PPP1R9B: variants seen among roughly 807,000 people sequenced by gnomAD.
PPP1R9B encodes the protein protein phosphatase 1 regulatory subunit 9B.
In PPP1R9B, 17 loss-of-function variants were observed where a neutral mutation model predicts 75.8. The observed-to-expected ratio is 0.22, with a 90% CI of 0.15 to 0.34. The LOEUF is 0.34. Among genes scored for constraint, PPP1R9B ranks in the 10% least tolerant of loss-of-function variants. The pLI, the probability that PPP1R9B is intolerant of heterozygous loss-of-function variation, is 1.00. For synonymous variants in PPP1R9B, 509 were observed against 535.4 expected (o/e 0.95, Z 0.68); for missense variants, 875 against 1,196.0 (o/e 0.73, Z 3.96).
rs1358358941 is a variant in PPP1R9B, at chr17:50,133,831, G to A, written c.*1500C>T. The A allele has an allele frequency of 6.6e-6, 1 of 152,434 alleles. No individual in the cohort carries two copies. Among genetic ancestry groups the A allele is most frequent in the Non-Finnish European group, 1.5e-5 (1 of 68,070 alleles). The allele number at this position is 152,434 out of a possible 1,614,324, so 9.4% of individuals were successfully genotyped here. A position where few individuals can be genotyped will look rare whatever the true frequency, so the allele number is the denominator to read the frequency against. On this transcript the variant is annotated 3_prime_UTR_variant, in exon 10 of 10. Transcript: ENST00000612501. ...ACATATATATATTATATACAGAGAT[G>A]CGGCCCTCCCGACGGCTGGGCAGGG...
In PPP1R9B at chr17:50,142,148, T is replaced by G. The variant is rs1276174242; in HGVS notation, c.1626-775A>C. Among the ~76,000 whole-genome samples the G allele has an allele frequency of 2.0e-5, 3 of 152,068 alleles. No individual in the cohort carries two copies. The stretch of plus-strand genomic sequence containing the variant: ...CACCTGCCGACACACTCCAGTTGTG[T>G]CCCCTGAAGCCCGTGTTCTCCATAC... On this transcript the variant is annotated intron_variant, in intron 3 of 9. Transcript: ENST00000612501. The surrounding 1 kb of genome is among the most constrained non-coding windows in gnomAD (Gnocchi z 4.1).
chr17:50,139,492 C>T lies in PPP1R9B; in HGVS notation c.1956G>A (p.Glu652=), dbSNP rs1912314161. The T allele has an allele frequency of 2.5e-6, 4 of 1,602,252 alleles. No individual in the cohort carries two copies. The African/African-American group carries it at 4.0e-5, about 16-fold the overall frequency. The change falls in exon 6 of 10, where the codon GAG becomes GAA. Residue 652 remains glutamate (E), a synonymous_variant. Transcript: ENST00000612501. The surrounding 1 kb of genome is among the most constrained non-coding windows in gnomAD (Gnocchi z 5.0). ...EMAIEVFELA[E]NEDALSPVDM... is the part of the protein sequence containing the mutation. ...CCACAGGGGACAGTGCATCCTCGTT[C>T]TCCGCTAGCTCAAACACCTCGATGG...
At chr17:50,145,084 G>T (rs372833242) in intron 2 of PPP1R9B, 29 bp downstream of exon 2, 2 of 1,611,616 alleles carry the variant, frequency 1.2e-6, no homozygotes, top group Admixed American at 3.3e-5. Context: ...CCAGCTGTGC[G>T]CAAGTGACGT....
At position 50,142,326 on chromosome 17, in the gene PPP1R9B, C is replaced by A. The variant is rs544071957; in HGVS notation, c.1626-953G>T. Among the ~76,000 whole-genome samples, 3 of 152,322 alleles carry A rather than the reference C, an allele frequency of 2.0e-5. No homozygotes were observed. The South Asian group carries it at 6.2e-4, about 32-fold the overall frequency. On this transcript the variant is annotated intron_variant, in intron 3 of 9. Coordinates refer to ENST00000612501, the MANE Select transcript of PPP1R9B (RefSeq NM_032595.5). This position sits in a 1 kb window ranked among gnomAD's most constrained non-coding sequence, Gnocchi z 4.1. ...GAAATGGCCTATTGTCAACAGCTCA[C>A]CCCAACACATGCCACTCCCAGGTGG...
At chr17:50,140,707 C>T (rs1312660365) in intron 4 of PPP1R9B, among the ~76,000 whole-genome samples, 3 of 152,316 alleles carry the variant, frequency 2.0e-5, no homozygotes, top group Middle Eastern at 3.4e-3. Flanking sequence ...CCCCTCCTCC[C>T]GGTGGCCACC....
In PPP1R9B at chr17:50,136,163, C is replaced by T. The variant is rs770586612; in HGVS notation, c.2108G>A (p.Arg703Gln). Residue 703 changes from arginine to glutamine, a missense_variant, in exon 8 of 10, where the codon CGG becomes CAG. This residue lies in a region of PPP1R9B where 218 missense variants were observed against 334.6 expected (regional missense o/e 0.65). Coordinates refer to ENST00000612501, the MANE Select transcript of PPP1R9B (RefSeq NM_032595.5). ...QSLEQEKGRW[R>Q]VEKAQLEQSV... ...CTGCTCCAACTGCGCCTTCTCCACC[C>T]GCCAGCGCCCCTTCTCCTGCTCCAG... 9 of 1,602,662 alleles carry T rather than the reference C, an allele frequency of 5.6e-6. No individual in the cohort carries two copies. The highest frequency in any genetic ancestry group is 3.3e-5 in the South Asian group (3 of 91,084).
rs1912295694 is a variant in PPP1R9B at position 50,138,784 on chromosome 17, C to G, written c.2073+479G>C. On this transcript the variant is annotated intron_variant, in intron 7 of 9. Transcript: ENST00000612501. ...GGATCACTGGTGTGCGCTACCACAC[C>G]TGGCTAATTTTTGTATTGTTTGTAG... Among the ~76,000 whole-genome samples, 6 of 152,172 alleles carry G rather than the reference C, an allele frequency of 3.9e-5. No homozygotes were observed. The South Asian group carries it at 1.2e-3, about 32-fold the overall frequency.
In PPP1R9B at chr17:50,149,918, A is replaced by G; in HGVS notation, c.596T>C (p.Leu199Pro). The G allele has an allele frequency of 6.6e-7, 1 of 1,509,698 alleles. No individual in the cohort carries two copies. 93.5% of individuals were successfully genotyped at this position (1,509,698 alleles called of 1,614,324 possible). Reference protein sequence around the residue: ...FNGSTEALDKLDADAVSPTVS... With the variant: ...FNGSTEALDKPDADAVSPTVS... The stretch of plus-strand genomic sequence containing the variant: ...CGTGGGGGACACGGCGTCAGCGTCC[A>G]GCTTGTCCAGCGCCTCGGTGCTGCC... Residue 199 changes from leucine to proline, a missense_variant, in exon 1 of 10, where the codon CTG becomes CCG. Leu to Pro is a moderately conservative substitution (Grantham distance 98). Around this residue, in one of 4 missense-constraint regions of PPP1R9B, gnomAD observed 449 missense variants for 475.0 expected, o/e 0.95. Transcript: ENST00000612501. This position sits in a 1 kb window ranked among gnomAD's most constrained non-coding sequence, Gnocchi z 7.2.
chr17:50,150,419 G>T lies in PPP1R9B; in HGVS notation c.95C>A (p.Pro32Gln). The change falls in exon 1 of 10, where the codon CCG becomes CAG. Residue 32 changes from proline to glutamine, a missense_variant. Physicochemically the swap from Pro to Gln is moderately conservative, Grantham distance 76. This residue lies in a region of PPP1R9B where 145 missense variants were observed against 226.1 expected (regional missense o/e 0.64). Coordinates refer to ENST00000612501, the MANE Select transcript of PPP1R9B (RefSeq NM_032595.5). The surrounding 1 kb of genome is among the most constrained non-coding windows in gnomAD (Gnocchi z 8.7). ...CTCGTCGGGCCCGGGCGCGTCGGGC[G>T]GCTTCAGCGCCTGGATGCCCGCCTC... ...AYEAGIQALK[P>Q]PDAPGPDEAP... The T allele has an allele frequency of 7.2e-7, 1 of 1,383,586 alleles. No homozygotes were observed. Among genetic ancestry groups the T allele is most frequent in the Non-Finnish European group, 9.4e-7 (1 of 1,064,014 alleles). The allele number at this position is 1,383,586 out of a possible 1,614,324, so 85.7% of individuals were successfully genotyped here. A position where few individuals can be genotyped will look rare whatever the true frequency, so the allele number is the denominator to read the frequency against.
In PPP1R9B at chr17:50,139,404, C is replaced by T; in HGVS notation, c.2019+25G>A. On this transcript the variant is annotated intron_variant, in intron 6 of 9. Coordinates refer to ENST00000612501, the MANE Select transcript of PPP1R9B (RefSeq NM_032595.5). This position sits in a 1 kb window ranked among gnomAD's most constrained non-coding sequence, Gnocchi z 5.0. Reference sequence around the variant, plus strand: ...GAGACCTGCCTGCCTTTCCCTCCACCACTCCAGGGAGCCCCTCCTCCCACC... The same window carrying T: ...GAGACCTGCCTGCCTTTCCCTCCACTACTCCAGGGAGCCCCTCCTCCCACC... The T allele has an allele frequency of 6.2e-7, 1 of 1,612,400 alleles. No individual in the cohort carries two copies. The highest frequency in any genetic ancestry group is 1.1e-5 in the South Asian group (1 of 91,064).
rs1229891030 is a variant in PPP1R9B at position 50,142,526 on chromosome 17, A to AGGGCAGCCCCATCTCTAGAAACAC, written c.1625+1071_1625+1072insGTGTTTCTAGAGATGGGGCTGCCC. The stretch of plus-strand genomic sequence containing the variant: ...CCACAACAGGTAGAAGCCCCTTGAC[A>AGGGCAGCCCCATCTCTAGAAACAC]GGGCAGCCCCATCTCTAGAAACAAG... On this transcript the variant is annotated intron_variant, in intron 3 of 9. Transcript: ENST00000612501. The surrounding 1 kb of genome is among the most constrained non-coding windows in gnomAD (Gnocchi z 4.1). Among the ~76,000 whole-genome samples, 1 of 152,150 alleles carries AGGGCAGCCCCATCTCTAGAAACAC rather than the reference A, an allele frequency of 6.6e-6. No individual in the cohort carries two copies. The highest frequency in any genetic ancestry group is 1.5e-5 in the Non-Finnish European group (1 of 68,000).
At chr17:50,135,829 C>A in intron 8 of PPP1R9B, 139 bp downstream of exon 8, 1 of 867,618 alleles carries the variant, frequency 1.2e-6, no homozygotes, top group Non-Finnish European at 1.8e-6. Context: ...GATGCCTGGT[C>A]ATTCCGGACC....
At chr17:50,140,693 C>G (rs1194555228) in intron 4 of PPP1R9B, among the ~76,000 whole-genome samples, 1 of 152,198 alleles carries the variant, frequency 6.6e-6, no homozygotes, top group Non-Finnish European at 1.5e-5. Flanking sequence ...CTTCCAGGCA[C>G]CAGCCCCTCC....
At position 50,150,285 on chromosome 17, in the gene PPP1R9B, C is replaced by T; in HGVS notation, c.229G>A (p.Gly77Ser). 1 of 1,419,510 alleles carries T rather than the reference C, an allele frequency of 7.0e-7. No individual in the cohort carries two copies. Among genetic ancestry groups the T allele is most frequent in the Non-Finnish European group, 9.2e-7 (1 of 1,084,336 alleles). 87.9% of individuals were successfully genotyped at this position (1,419,510 alleles called of 1,614,324 possible). ...TAGPSGEAGG[G>S]AGLAEAPRAS... ...CGTGGGGCCTCGGCCAGGCCCGCGC[C>T]GCCGCCCGCCTCGCCCGAGGGCCCC... Residue 77 changes from glycine (G) to serine (S), a missense_variant, in exon 1 of 10, where the codon GGC becomes AGC. Gly to Ser is a moderately conservative substitution (Grantham distance 56, BLOSUM62 0). Transcript: ENST00000612501. The surrounding 1 kb of genome is among the most constrained non-coding windows in gnomAD (Gnocchi z 8.7).
rs1205142217 is a variant in PPP1R9B at position 50,149,108 on chromosome 17, G to C, written c.1371+35C>G. The stretch of plus-strand genomic sequence containing the variant: ...GGGGCGGCCGCGTGCACGTGGCAGG[G>C]GCGGCGCGGGGGCAGGGCGGGGGGG... On this transcript the variant is annotated intron_variant, in intron 1 of 9. Transcript: ENST00000612501. The surrounding 1 kb of genome is among the most constrained non-coding windows in gnomAD (Gnocchi z 7.2). The C allele has an allele frequency of 1.5e-6, 2 of 1,379,110 alleles. No individual in the cohort carries two copies. The highest frequency in any genetic ancestry group is 3.2e-5 in the Admixed American group (1 of 31,456). 85.4% of individuals were successfully genotyped at this position (1,379,110 alleles called of 1,614,324 possible). A position where few individuals can be genotyped will look rare whatever the true frequency, so the allele number is the denominator to read the frequency against.
In PPP1R9B at chr17:50,138,417, G is replaced by A. The variant is rs551062046; in HGVS notation, c.2073+846C>T. Among the ~76,000 whole-genome samples the A allele has an allele frequency of 1.3e-3, 204 of 152,184 alleles. 2 individuals are homozygous for A. Among genetic ancestry groups the A allele is most frequent in the African/African-American group, 4.8e-3 (198 of 41,498 alleles). On this transcript the variant is annotated intron_variant, in intron 7 of 9. Transcript: ENST00000612501. Reference sequence around the variant, plus strand: ...CCATTGTCTCTGTGACTGTGTCTGTGTAGAGTGGGTGTCTCTATGTGTCTG... The same window carrying A: ...CCATTGTCTCTGTGACTGTGTCTGTATAGAGTGGGTGTCTCTATGTGTCTG...
At chr17:50,140,466 A>T (rs1912346362) in intron 4 of PPP1R9B, 1 of 577,418 alleles carries the variant, frequency 1.7e-6, no homozygotes, top group Middle Eastern at 4.7e-4. Flanking sequence ...CGGGAGGGAG[A>T]ATGTCAGCCC....
At chr17:50,145,069 C>G (rs778613562) in intron 2 of PPP1R9B, 44 bp downstream of exon 2, 3 of 1,605,550 alleles carry the variant, frequency 1.9e-6, no homozygotes, top group South Asian at 1.1e-5. Context: ...AGACCCGGGT[C>G]AACCCCAGCT....
rs908879814 is a variant in PPP1R9B at position 50,136,030 on chromosome 17, C to T, written c.2241G>A (p.Gln747=). The part of the protein sequence containing the change: ...VDEHLRETQA[Q]YQALERKYSK... Reference sequence around the variant, plus strand: ...TGTACTTGCGCTCCAGGGCCTGGTACTGCGCCTGAGTCTCCCGCAGGTGCT... The same window carrying T: ...TGTACTTGCGCTCCAGGGCCTGGTATTGCGCCTGAGTCTCCCGCAGGTGCT... The change falls in exon 8 of 10, where the codon CAG becomes CAA. Residue 747 remains glutamine, a synonymous_variant. Coordinates refer to ENST00000612501, the MANE Select transcript of PPP1R9B (RefSeq NM_032595.5). 4 of 1,608,612 alleles carry T rather than the reference C, an allele frequency of 2.5e-6. No individual in the cohort carries two copies. In the African/African-American group the frequency reaches 4.0e-5, roughly 16 times the overall value.
Sources: gnomAD v4.1 joint callset for allele counts (sites outside exome capture counted in the v4.1 genomes callset) on GRCh38, gnomAD v4.1.1 for gene constraint, gnomAD v4.1.1 regional missense constraint, Gnocchi (gnomAD v3.1) non-coding constraint, MANE v1.5 for transcripts, NCBI Gene and HGNC (gene_info 2026-07-23, HGNC 2026-07-21) for gene names.